SLC35F3: variants seen among roughly 807,000 people sequenced by gnomAD.
SLC35F3 encodes putative thiamine transporter SLC35F3.
SLC35F3 carries 25 observed loss-of-function variants against 49.9 expected under a neutral mutation model. The observed-to-expected ratio is 0.50, with a 90% CI of 0.37 to 0.70. The LOEUF (loss-of-function observed/expected upper bound fraction) is 0.70. SLC35F3 is among the 30% of genes least tolerant of loss of function. SLC35F3 has a pLI of 0.00. For synonymous variants in SLC35F3, 275 were observed against 265.4 expected (o/e 1.04, Z -0.35); for missense variants, 525 against 639.8 (o/e 0.82, Z 1.94).
In SLC35F3 at chr1:234,117,592, A is replaced by G. The variant is rs1227783870; in HGVS notation, c.284-113825A>G. Among the ~76,000 whole-genome samples the G allele has an allele frequency of 5.6e-3, 597 of 106,268 alleles. 8 individuals carry two copies. Among genetic ancestry groups the G allele is most frequent in the African/African-American group, 0.016 (561 of 36,072 alleles). 69.7% of individuals were successfully genotyped at this position (106,268 alleles called of 152,430 possible). A position where few individuals can be genotyped will look rare whatever the true frequency, so the allele number is the denominator to read the frequency against. ...GGGTGACAGAGTGAGACCCTGTCTAAAAAAAAAAAACAGGCTGGGCGCAGT... is the reference window on the plus strand; with the variant it reads ...GGGTGACAGAGTGAGACCCTGTCTAGAAAAAAAAAACAGGCTGGGCGCAGT... On this transcript the variant is annotated intron_variant, in intron 2 of 7. Transcript: ENST00000366618.
At chr1:234,221,419 G>T (rs977898279) in intron 2 of SLC35F3, among the ~76,000 whole-genome samples, 3 of 152,172 alleles carry the variant, frequency 2.0e-5, no homozygotes, top group Non-Finnish European at 4.4e-5. Context: ...ACAGAGAAAG[G>T]GAATGATCGG....
At chr1:234,301,525 A>G (rs1668691884) in intron 3 of SLC35F3, among the ~76,000 whole-genome samples, 1 of 152,216 alleles carries the variant, frequency 6.6e-6, no homozygotes, top group Non-Finnish European at 1.5e-5. Context: ...GGCAATTATT[A>G]AAAAGTCAGG....
At position 234,025,255 on chromosome 1, in the gene SLC35F3, T is replaced by C. The variant is rs145730678; in HGVS notation, c.283+119497T>C. Among the ~76,000 whole-genome samples the C allele has an allele frequency of 2.2e-3, 339 of 152,396 alleles. 3 individuals carry two copies. The highest frequency in any genetic ancestry group is 7.7e-3 in the African/African-American group (319 of 41,604). Reference sequence around the variant, plus strand: ...CTAGGTTGATTCCATGTCTTTGTTATTGTAAATAGTGCTGCAAGGAACTTA... The same window carrying C: ...CTAGGTTGATTCCATGTCTTTGTTACTGTAAATAGTGCTGCAAGGAACTTA... On this transcript the variant is annotated intron_variant, in intron 2 of 7. Transcript: ENST00000366618.
rs191726364 is a variant in SLC35F3 at position 234,162,853 on chromosome 1, T to G, written c.284-68564T>G. ...CTGGGGTTCCCTGTGCATATTTCTCTCAGGAATTCAAGGTGTGAAGATAGC... is the reference window on the plus strand; with the variant it reads ...CTGGGGTTCCCTGTGCATATTTCTCGCAGGAATTCAAGGTGTGAAGATAGC... On this transcript the variant is annotated intron_variant, in intron 2 of 7. Coordinates refer to ENST00000366618, the MANE Select transcript of SLC35F3 (RefSeq NM_173508.4). Among the ~76,000 whole-genome samples, 201 of 152,308 alleles carry G rather than the reference T, an allele frequency of 1.3e-3. No individual in the cohort carries two copies. The Middle Eastern group carries it at 0.014, about 10-fold the overall frequency.
intron 2 of SLC35F3, among the ~76,000 whole-genome samples, chr1:233,970,640 G>T (rs942976092): frequency 6.6e-6 from 1 of 152,142 alleles, no homozygotes; most frequent in Non-Finnish European, 1.5e-5. Context: ...TTAAAATGAG[G>T]TCATTAGGGT....
chr1:234,002,859 A>T (rs1663574240), intron 2 of SLC35F3, among the ~76,000 whole-genome samples: 1 of 152,174 alleles, frequency 6.6e-6, no homozygotes, highest in African/African-American at 2.4e-5. Flanking sequence ...GTATGGACTC[A>T]TGGATATTTA....
intron 4 of SLC35F3, 124 bp from the exon 5 acceptor site, chr1:234,316,478 A>G (rs1657491299): frequency 6.9e-6 from 9 of 1,308,202 alleles, no homozygotes; most frequent in Non-Finnish European, 9.3e-6. Context: ...GAGGAACAAA[A>G]AGGAGACACC....
chr1:234,016,201 G>A (rs1278237103), intron 2 of SLC35F3, among the ~76,000 whole-genome samples: 1 of 152,174 alleles, frequency 6.6e-6, no homozygotes, highest in East Asian at 1.9e-4. Flanking sequence ...GTTGATGGGA[G>A]TGTGAATTAG....
chr1:233,984,025 C>T (rs187336232), intron 2 of SLC35F3, among the ~76,000 whole-genome samples: 9 of 152,302 alleles, frequency 5.9e-5, no homozygotes, highest in Admixed American at 3.3e-4. Context: ...CCACATCCTG[C>T]GTTTTCCCTC....
chr1:234,060,089 T>C (rs1338373782), intron 2 of SLC35F3, among the ~76,000 whole-genome samples: 1 of 152,196 alleles, frequency 6.6e-6, no homozygotes, highest in African/African-American at 2.4e-5. Flanking sequence ...TAAGAATCAA[T>C]AACAAAACAT....
chr1:234,178,298 A>G (rs1487941963), intron 2 of SLC35F3, among the ~76,000 whole-genome samples: 2 of 152,240 alleles, frequency 1.3e-5, no homozygotes, highest in East Asian at 3.9e-4. Flanking sequence ...CACCGAACTC[A>G]TCCCTCCAAT....
intron 3 of SLC35F3, among the ~76,000 whole-genome samples, chr1:234,296,728 C>A (rs1314314577): frequency 6.6e-6 from 1 of 152,188 alleles, no homozygotes; most frequent in Non-Finnish European, 1.5e-5. Flanking sequence ...ACTGAGCATG[C>A]AAAATAACCA....
In SLC35F3 at chr1:233,905,645, C is replaced by A; in HGVS notation, c.170C>A (p.Ser57Ter). Reference sequence around the variant, plus strand: ...GCGATTAAGGAGGATCTGAAATGGTCGCGCTCCGTGGAGGATCTCACCAGC... The same window carrying A: ...GCGATTAAGGAGGATCTGAAATGGTAGCGCTCCGTGGAGGATCTCACCAGC... ...DEAIKEDLKWSRSVEDLTSGP... is the reference protein window; with the variant it reads ...DEAIKEDLKW The change falls in exon 2 of 8, where the codon TCG (serine) becomes TAG (stop). Residue 57 changes from serine (S) to a stop codon, truncating the protein, a stop_gained. Coordinates refer to ENST00000366618, the MANE Select transcript of SLC35F3 (RefSeq NM_173508.4). LOFTEE classifies it high-confidence loss of function. 6.2e-7 allele frequency: 1 copy of A among 1,614,168 alleles called. No individual in the cohort carries two copies. Among genetic ancestry groups the A allele is most frequent in the Non-Finnish European group, 8.5e-7 (1 of 1,180,024 alleles).
intron 2 of SLC35F3, among the ~76,000 whole-genome samples, chr1:234,151,560 A>G (rs908893628): frequency 1.6e-4 from 25 of 152,030 alleles, no homozygotes; most frequent in Non-Finnish European, 3.2e-4. Context: ...CAGAATTAGC[A>G]AAACTCAGAA....
chr1:234,226,983 A>ACACACG (rs1667296183), intron 2 of SLC35F3, among the ~76,000 whole-genome samples: 1 of 151,862 alleles, frequency 6.6e-6, no homozygotes, highest in Non-Finnish European at 1.5e-5. Flanking sequence ...ACACACACAC[A>ACACACG]CACGTGCTCA....
chr1:234,201,383 C>A (rs965537830), intron 2 of SLC35F3, among the ~76,000 whole-genome samples: 1 of 152,098 alleles, frequency 6.6e-6, no homozygotes, highest in Admixed American at 6.5e-5. Context: ...CATGGGTGGT[C>A]GAGTAAAGTT....
chr1:234,261,186 G>A (rs144369637), intron 3 of SLC35F3, among the ~76,000 whole-genome samples: 1 of 152,200 alleles, frequency 6.6e-6, no homozygotes, highest in Non-Finnish European at 1.5e-5. Flanking sequence ...TGGATCTCAT[G>A]CAAGAAAGAA....
chr1:234,058,328 ATTTTTTTTT>A (rs56960667), intron 2 of SLC35F3, among the ~76,000 whole-genome samples: 47 of 39,794 alleles, frequency 1.2e-3, no homozygotes, highest in African/African-American at 6.0e-3. Context: ...ATGTTCCTGA[ATTTTTTTTT>A]TTTTTTTTTT....
At chr1:234,289,701 C>A (rs558704448) in intron 3 of SLC35F3, among the ~76,000 whole-genome samples, 1 of 152,334 alleles carries the variant, frequency 6.6e-6, no homozygotes, top group African/African-American at 2.4e-5. Context: ...GAGAAGCCAA[C>A]CTGAGACTGG....
Sources: gnomAD v4.1 joint callset for allele counts (sites outside exome capture counted in the v4.1 genomes callset) on GRCh38, gnomAD v4.1.1 for gene constraint, MANE v1.5 for transcripts, NCBI Gene and HGNC (gene_info 2026-07-23, HGNC 2026-07-21) for gene names.